BCAR3: variants seen among roughly 807,000 people sequenced by gnomAD.
BCAR3 encodes breast cancer anti-estrogen resistance protein 3.
In BCAR3, 37 loss-of-function variants were observed where a neutral mutation model predicts 80.1. The observed-to-expected ratio is 0.46, with a 90% confidence interval of 0.36 to 0.61. The LOEUF is 0.61. BCAR3 is among the 20% of genes least tolerant of loss of function. The pLI is 0.00. For missense variants in BCAR3, 978 were observed against 1,068.2 expected, an observed-to-expected ratio of 0.92 and a Z score of 1.18; for synonymous variants, 389 against 418.9, an observed-to-expected ratio of 0.93 and a Z score of 0.87.
intron 2 of BCAR3, among the ~76,000 whole-genome samples, chr1:93,835,586 CA>C (rs35772114): frequency 0.013 from 1,979 of 152,328 alleles, 43 homozygotes; most frequent in African/African-American, 0.045. Context: ...ATGTAGGTTA[CA>C]AGCCGCTAGC....
rs1647250530 is a variant in BCAR3, at chr1:93,654,130, G to A, written c.318-11787C>T. Among the ~76,000 whole-genome samples the A allele has an allele frequency of 2.0e-5, 3 of 152,114 alleles. No individual in the cohort carries two copies. The South Asian group carries it at 6.2e-4, about 32-fold the overall frequency. On this transcript the variant is annotated intron_variant, in intron 2 of 11. Transcript: ENST00000260502. ...TCATGGTGGCAGGCAGAATTCCTAA[G>A]ACAGCCCCCCAAAATTCCTATCCCC...
chr1:93,674,681 G>C lies in BCAR3; in HGVS notation c.250C>G (p.Pro84Ala), dbSNP rs1397361066. 1.2e-6 allele frequency: 2 copies of C among 1,613,978 alleles called. No homozygotes were observed. Among genetic ancestry groups the C allele is most frequent in the African/African-American group, 2.7e-5 (2 of 74,926 alleles). The change falls in exon 2 of 12, where the codon CCT (proline) becomes GCT (alanine). Residue 84 changes from proline (P) to alanine (A), a missense_variant. Transcript: ENST00000260502. ...PHSKSPRQNS[P>A]VTQDGIQESP... ...TCCTGGATGCCATCCTGGGTCACAG[G>C]CGAGTTCTGCCGTGGGGATTTGGAG... is the stretch of plus-strand genomic sequence containing the variant.
Position 93,562,172 on chromosome 1 carries a change from CAGTA to C in BCAR3, c.*65_*68del, listed in dbSNP as rs575847548. ...TTGCACATTATTACTTTATCAAAAA[CAGTA>C]AGCTTTCCCAAAGATGAAGCTGGGG... On this transcript the variant is annotated 3_prime_UTR_variant, in exon 12 of 12. Coordinates refer to ENST00000260502, the MANE Select transcript of BCAR3 (RefSeq NM_003567.4). 1.3e-4 allele frequency: 190 copies of C among 1,490,798 alleles called. No homozygotes were observed. The African/African-American group carries it at 2.3e-3, about 18-fold the overall frequency. The allele number at this position is 1,490,798 out of a possible 1,614,324, so 92.3% of individuals were successfully genotyped here.
chr1:93,714,395 T>G (rs750010909), intron 2 of BCAR3, among the ~76,000 whole-genome samples: 6 of 152,200 alleles, frequency 3.9e-5, no homozygotes, highest in Non-Finnish European at 1.5e-5. Flanking sequence ...TTGACTACTG[T>G]GTTCTTGGCC....
chr1:93,615,369 G>A (rs1042079733), intron 3 of BCAR3, among the ~76,000 whole-genome samples: 1 of 152,182 alleles, frequency 6.6e-6, no homozygotes, highest in Admixed American at 6.5e-5. Context: ...CCCACGCAAG[G>A]GCAAGGGCCC....
rs1674262805 is a variant in BCAR3, at chr1:93,592,700, C to T, written c.358-307G>A. Reference sequence around the variant, plus strand: ...ATGTACAGACAGCAAGACACAGCAGCCCAGCCTGCTCTCTTCCCAGCGGAG... The same window carrying T: ...ATGTACAGACAGCAAGACACAGCAGTCCAGCCTGCTCTCTTCCCAGCGGAG... On this transcript the variant is annotated intron_variant, in intron 3 of 11. Coordinates refer to ENST00000260502, the MANE Select transcript of BCAR3 (RefSeq NM_003567.4). This position sits in a 1 kb window ranked among gnomAD's most constrained non-coding sequence, Gnocchi z 4.8. 6.6e-6 allele frequency among the ~76,000 whole-genome samples: 1 copy of T among 152,166 alleles called. No homozygotes were observed.
At chr1:93,600,029 TAGGTTC>T (rs1336425081) in intron 3 of BCAR3, among the ~76,000 whole-genome samples, 1 of 152,172 alleles carries the variant, frequency 6.6e-6, no homozygotes, top group Non-Finnish European at 1.5e-5. Flanking sequence ...ATATTGCCCC[TAGGTTC>T]AGAGATTTTA....
Position 93,562,257 on chromosome 1 carries a change from T to C in BCAR3, c.2462A>G (p.Lys821Arg). The change falls in exon 12 of 12, where the codon AAG (lysine) becomes AGG (arginine). Residue 821 changes from lysine to arginine, a missense_variant. Physicochemically the swap from Lys to Arg is conservative, Grantham distance 26. Transcript: ENST00000260502. ...LSRKLEPPPV[K>R]QAEL The stretch of plus-strand genomic sequence containing the variant: ...GGAGAGTTATCAAAGCTCTGCCTGC[T>C]TTACAGGAGGAGGTTCCAATTTACG... The C allele has an allele frequency of 6.2e-7, 1 of 1,613,842 alleles. No homozygotes were observed. Among genetic ancestry groups the C allele is most frequent in the South Asian group, 1.1e-5 (1 of 90,996 alleles).
At position 93,582,972 on chromosome 1, in the gene BCAR3, G is replaced by A; in HGVS notation, c.1034-19C>T. ...TTGCAGCCTGTGGGGGATAAGAAAA[G>A]GTCAGAGAAAGCTCATCTGTGTGGA... On this transcript the variant is annotated intron_variant, in intron 6 of 11. Transcript: ENST00000260502. The A allele has an allele frequency of 1.3e-6, 2 of 1,564,096 alleles. No individual in the cohort carries two copies. The highest frequency in any genetic ancestry group is 1.7e-6 in the Non-Finnish European group (2 of 1,160,040).
intron 2 of BCAR3, among the ~76,000 whole-genome samples, chr1:93,821,175 A>T (rs1443872990): frequency 6.6e-6 from 1 of 152,076 alleles, no homozygotes; most frequent in East Asian, 1.9e-4. Context: ...TCGTTCTTCA[A>T]CACTGAGGGG....
In BCAR3 at chr1:93,585,572, T is replaced by G. The variant is rs74733424; in HGVS notation, c.930-1451A>C. On this transcript the variant is annotated intron_variant, in intron 5 of 11. Coordinates refer to ENST00000260502, the MANE Select transcript of BCAR3 (RefSeq NM_003567.4). ...GCCGAATACACTCCCACTCTGTGCA[T>G]GACATTAATTCCCTGCTTCGACCAT... Among the ~76,000 whole-genome samples, 1,442 of 152,320 alleles carry G rather than the reference T, an allele frequency of 9.5e-3. 23 individuals are homozygous for G. The highest frequency in any genetic ancestry group is 0.033 in the African/African-American group (1,369 of 41,576).
At chr1:93,640,458 T>C (rs995514447) in intron 3 of BCAR3, among the ~76,000 whole-genome samples, 20 of 151,944 alleles carry the variant, frequency 1.3e-4, no homozygotes, top group Admixed American at 1.2e-3. Context: ...TACAGACACA[T>C]GATTTATAAG....
chr1:93,616,931 C>T (rs1331767124), intron 3 of BCAR3, among the ~76,000 whole-genome samples: 2 of 152,228 alleles, frequency 1.3e-5, no homozygotes, highest in Admixed American at 6.5e-5. Flanking sequence ...TGATTAAAGC[C>T]ATGGCTGGGA....
chr1:93,589,572 A>G (rs12063635), intron 4 of BCAR3, among the ~76,000 whole-genome samples, 153 bp from the exon 5 acceptor site: 5,884 of 152,260 alleles, frequency 0.039, 377 homozygotes, highest in African/African-American at 0.13. Context: ...TCAAATTCAT[A>G]GAAGAGCCAA....
At chr1:93,662,373 T>A (rs918560956) in intron 2 of BCAR3, among the ~76,000 whole-genome samples, 1 of 152,216 alleles carries the variant, frequency 6.6e-6, no homozygotes, top group Non-Finnish European at 1.5e-5. Context: ...AATGAATGGT[T>A]TTGGACTCTG....
intron 2 of BCAR3, among the ~76,000 whole-genome samples, chr1:93,708,299 C>A (rs1340357385): frequency 6.6e-6 from 1 of 152,216 alleles, no homozygotes; most frequent in Non-Finnish European, 1.5e-5. Flanking sequence ...CCCCTAAGCA[C>A]CTTGCCTCCG....
At chr1:93,777,890 G>A (rs1475414951) in intron 2 of BCAR3, among the ~76,000 whole-genome samples, 1 of 152,190 alleles carries the variant, frequency 6.6e-6, no homozygotes, top group Non-Finnish European at 1.5e-5. Flanking sequence ...TTATCCAAAG[G>A]TGAACAATGG....
chr1:93,623,448 CCAAA>C (rs926353920), intron 3 of BCAR3, among the ~76,000 whole-genome samples: 1 of 152,076 alleles, frequency 6.6e-6, no homozygotes, highest in African/African-American at 2.4e-5. Context: ...TGACATGAGA[CCAAA>C]CAGAGTCCTT....
Position 93,674,708 on chromosome 1 carries a change from G to T in BCAR3, c.223C>A (p.His75Asn), listed in dbSNP as rs141721897. The change falls in exon 2 of 12, where the codon CAC (histidine) becomes AAC (asparagine). Residue 75 changes from histidine to asparagine, a missense_variant. Transcript: ENST00000260502. ...GAGTTCTGCCGTGGGGATTTGGAGT[G>T]GGGGAGGGTGCCCATGTGACTGAAG... ...DDFSHMGTLP[H>N]SKSPRQNSPV... 6 of 1,613,930 alleles carry T rather than the reference G, an allele frequency of 3.7e-6. No individual in the cohort carries two copies. Among genetic ancestry groups the T allele is most frequent in the Non-Finnish European group, 5.1e-6 (6 of 1,179,996 alleles).
Sources: allele counts gnomAD v4.1 joint callset (sites outside exome capture counted in the v4.1 genomes callset), GRCh38; gene constraint gnomAD v4.1.1; non-coding constraint Gnocchi (gnomAD v3.1); transcripts MANE v1.5; gene names NCBI Gene and HGNC (gene_info 2026-07-23, HGNC 2026-07-21).